RPL21: variants seen among roughly 807,000 people sequenced by gnomAD.
RPL21 encodes the protein large ribosomal subunit protein eL21.
RPL21 carries 1 observed loss-of-function variant against 21.2 expected under a neutral mutation model. That is an observed-to-expected ratio of 0.05 (90% confidence interval 0.02 to 0.22). The LOEUF (loss-of-function observed/expected upper bound fraction) is 0.22, where lower values mean the gene tolerates loss of function less well. Ranked by LOEUF, RPL21 falls within the 10% of genes least tolerant of loss-of-function variation. The pLI is 1.00. For synonymous variants in RPL21, 52 were observed against 62.9 expected (o/e 0.83, Z 0.82); for missense variants, 113 against 199.4 (o/e 0.57, Z 2.61).
chr13:27,254,369 G>A (rs957852738), intron 3 of RPL21, 88 bp downstream of exon 3: 2 of 679,582 alleles, frequency 2.9e-6, no homozygotes, highest in Non-Finnish European at 5.5e-6. Flanking sequence ...AGTGTATGTT[G>A]CATCTGTAAG....
chr13:27,253,713 G>A (rs1287260866), intron 1 of RPL21, 52 bp from the exon 2 acceptor site: 2 of 982,568 alleles, frequency 2.0e-6, no homozygotes, highest in Non-Finnish European at 3.3e-6. Context: ...CAGGGGTTTG[G>A]GGCAAATGCC....
intron 3 of RPL21, chr13:27,254,958 T>G (rs1489888698): frequency 1.8e-6 from 1 of 551,372 alleles, no homozygotes; most frequent in Non-Finnish European, 3.3e-6. Flanking sequence ...AACGCCTTAG[T>G]GCAAAGTTTA....
intron 4 of RPL21, 152 bp downstream of exon 4, chr13:27,255,506 A>G (rs1881858488): frequency 1.3e-6 from 1 of 763,412 alleles, no homozygotes; most frequent in Non-Finnish European, 2.4e-6. Flanking sequence ...GTTTGTCTGT[A>G]TCCTGTCAGA....
chr13:27,252,229 C>G (rs17085345), intron 1 of RPL21, among the ~76,000 whole-genome samples: 4,537 of 152,096 alleles, frequency 0.03, 237 homozygotes, highest in African/African-American at 0.1. Context: ...GGTGATCGGA[C>G]GAAGGGAAAG....
chr13:27,254,391 G>GTTTT (rs1566038795), intron 3 of RPL21, 110 bp downstream of exon 3: 19 of 164,426 alleles, frequency 1.2e-4, no homozygotes, highest in Admixed American at 1.6e-4. Context: ...GTATAGAATG[G>GTTTT]ATTTTTTTTT....
At position 27,254,411 on chromosome 13, in the gene RPL21, T is replaced by TTTTTC; in HGVS notation, c.129+130_129+131insTTTTC. ...GAATGGATTTTTTTTTTTTTTTTTT[T>TTTTTC]GGAGACGGAGTTTCACTCTTGTTGC... On this transcript the variant is annotated intron_variant, in intron 3 of 5. Transcript: ENST00000311549. The TTTTTC allele has an allele frequency of 4.6e-6, 3 of 647,434 alleles. No individual in the cohort carries two copies. The South Asian group carries it at 5.4e-5, about 12-fold the overall frequency. 40.1% of individuals were successfully genotyped at this position (647,434 alleles called of 1,614,324 possible).
chr13:27,252,727 A>G (rs899213498), intron 1 of RPL21, among the ~76,000 whole-genome samples: 3 of 152,204 alleles, frequency 2.0e-5, no homozygotes, highest in African/African-American at 7.2e-5. Flanking sequence ...CATCCATTGT[A>G]ACAATGGTTT....
At chr13:27,253,326 A>G (rs7998905) in intron 1 of RPL21, among the ~76,000 whole-genome samples, 7,312 of 152,348 alleles carry the variant, frequency 0.048, 586 homozygotes, top group African/African-American at 0.17. Flanking sequence ...GAGATACACC[A>G]TCACGGAAAA....
At chr13:27,254,167 T>C (rs560300044) in intron 2 of RPL21, 53 bp from the exon 3 acceptor site, 9 of 1,114,288 alleles carry the variant, frequency 8.1e-6, no homozygotes, top group Middle Eastern at 2.5e-4. Context: ...TTGCATTTCT[T>C]TTACTCTAGA....
chr13:27,251,684 C>G (rs1382886189), intron 1 of RPL21, 99 bp downstream of exon 1: 1 of 152,450 alleles, frequency 6.6e-6, no homozygotes, highest in East Asian at 1.9e-4. Context: ...TGGGGAGACT[C>G]TCTAACCTGT....
intron 4 of RPL21, chr13:27,255,799 C>G (rs1881875015): frequency 3.0e-6 from 1 of 332,448 alleles, no homozygotes; most frequent in Admixed American, 4.5e-5. Context: ...GTCTCAATCT[C>G]CTGACCTCGT....
Position 27,254,206 on chromosome 13 carries a change from A to T in RPL21, c.68-14A>T, listed in dbSNP as rs199511172. 742 of 1,554,874 alleles carry T rather than the reference A, an allele frequency of 4.8e-4. No individual in the cohort carries two copies. Among genetic ancestry groups the T allele is most frequent in the Non-Finnish European group, 6.1e-4 (688 of 1,126,590 alleles). On this transcript the variant is annotated splice_polypyrimidine_tract_variant and intron_variant, in intron 2 of 5. Transcript: ENST00000311549. ...TTAGCCTTAATACTCACTATACCAAATTTATTTTTGTAGGAGTTGTTCCTT... is the reference window on the plus strand; with the variant it reads ...TTAGCCTTAATACTCACTATACCAATTTTATTTTTGTAGGAGTTGTTCCTT...
intron 1 of RPL21, chr13:27,251,978 C>T (rs896770390): frequency 6.6e-6 from 1 of 152,338 alleles, no homozygotes; most frequent in African/African-American, 2.4e-5. Context: ...CTTTCTAACT[C>T]CTTTCAGTGT....
At chr13:27,251,851 G>A (rs1219571605) in intron 1 of RPL21, 1 of 152,416 alleles carries the variant, frequency 6.6e-6, no homozygotes, top group Non-Finnish European at 1.5e-5. Flanking sequence ...GTCGCTTGGG[G>A]TGAGGCGACT....
chr13:27,254,123 T>C lies in RPL21; in HGVS notation c.68-97T>C. 4.8e-6 allele frequency: 4 copies of C among 827,444 alleles called. No individual in the cohort carries two copies. In the South Asian group the frequency reaches 5.4e-5, roughly 11 times the overall value. 51.3% of individuals were successfully genotyped at this position (827,444 alleles called of 1,614,324 possible). A position where few individuals can be genotyped will look rare whatever the true frequency, so the allele number is the denominator to read the frequency against. The stretch of plus-strand genomic sequence containing the variant: ...TGGGAAGATAATAAGCATGTAACCA[T>C]CAAAAATGATATATGTGTTAAAAGC... On this transcript the variant is annotated intron_variant, in intron 2 of 5. Coordinates refer to ENST00000311549, the MANE Select transcript of RPL21 (RefSeq NM_000982.4).
At chr13:27,252,108 G>A (rs1213639408) in intron 1 of RPL21, among the ~76,000 whole-genome samples, 4 of 152,158 alleles carry the variant, frequency 2.6e-5, no homozygotes, top group Non-Finnish European at 5.9e-5. Context: ...TGAAAACCCG[G>A]GCTCTCGGTC....
intron 3 of RPL21, chr13:27,254,552 A>G: frequency 2.3e-6 from 1 of 429,030 alleles, no homozygotes; most frequent in Non-Finnish European, 4.2e-6. Context: ...GCACCATGAT[A>G]CCTGGCTAAT....
intron 3 of RPL21, chr13:27,254,542 G>C: frequency 4.3e-6 from 2 of 466,164 alleles, no homozygotes; most frequent in African/African-American, 2.0e-5. Context: ...TTACAGGCGT[G>C]CACCATGATA....
intron 3 of RPL21, chr13:27,254,995 T>C: frequency 1.5e-6 from 1 of 666,386 alleles, no homozygotes. Flanking sequence ...ACTATTACTA[T>C]GATTAAAAAC....
Sources: allele counts gnomAD v4.1 joint callset (sites outside exome capture counted in the v4.1 genomes callset), GRCh38; gene constraint gnomAD v4.1.1; transcripts MANE v1.5; gene names NCBI Gene and HGNC (gene_info 2026-07-23, HGNC 2026-07-21).